Variants in NKAIN2 observed in about 807,000 individuals in gnomAD.
NKAIN2 encodes the protein sodium/potassium transporting ATPase interacting 2.
A neutral mutation model predicts 32.6 loss-of-function variants in NKAIN2; 14 were observed. That is an observed-to-expected ratio of 0.43 (90% confidence interval 0.28 to 0.67). The LOEUF (loss-of-function observed/expected upper bound fraction) is 0.67, where lower values mean the gene tolerates loss of function less well. NKAIN2 is among the 30% of genes least tolerant of loss of function. NKAIN2 has a pLI of 0.17. For missense variants in NKAIN2, 198 were observed against 258.3 expected (o/e 0.77, Z 1.60); for synonymous variants, 80 against 87.2 (o/e 0.92, Z 0.46).
chr6:123,939,975 TA>T (rs1202715909), intron 1 of NKAIN2, among the ~76,000 whole-genome samples: 4 of 152,000 alleles, frequency 2.6e-5, no homozygotes, highest in Non-Finnish European at 5.9e-5. Flanking sequence ...AACCCAGTGA[TA>T]GGCAGTTTCT....
At chr6:124,551,886 A>C (rs1479605160) in intron 3 of NKAIN2, among the ~76,000 whole-genome samples, 2 of 152,188 alleles carry the variant, frequency 1.3e-5, no homozygotes, top group Non-Finnish European at 2.9e-5. Flanking sequence ...GTCACCTTTG[A>C]TGTGTCAGCT....
chr6:123,997,500 C>T (rs1364430266), intron 1 of NKAIN2, among the ~76,000 whole-genome samples: 2 of 151,990 alleles, frequency 1.3e-5, no homozygotes, highest in Non-Finnish European at 2.9e-5. Context: ...ACTGAGACAG[C>T]CAACAGTCAT....
chr6:124,754,349 A>G (rs1021887766), intron 4 of NKAIN2, among the ~76,000 whole-genome samples: 1 of 152,090 alleles, frequency 6.6e-6, no homozygotes, highest in Non-Finnish European at 1.5e-5. Context: ...TTAATTAATT[A>G]AATTAGACTT....
intron 3 of NKAIN2, among the ~76,000 whole-genome samples, chr6:124,586,726 C>A (rs181210724): frequency 1.3e-5 from 2 of 152,090 alleles, no homozygotes; most frequent in Admixed American, 1.3e-4. Flanking sequence ...TATGGCCACA[C>A]AAAAGTCTGT....
chr6:124,081,860 A>G (rs1032744001), intron 1 of NKAIN2, among the ~76,000 whole-genome samples: 3 of 151,902 alleles, frequency 2.0e-5, no homozygotes, highest in East Asian at 3.9e-4. Context: ...TGGATCACAT[A>G]CAATTACATA....
At chr6:123,996,654 A>ATT (rs1009963657) in intron 1 of NKAIN2, among the ~76,000 whole-genome samples, 18 of 152,214 alleles carry the variant, frequency 1.2e-4, no homozygotes, top group Admixed American at 8.5e-4. Context: ...CCTTATTTAT[A>ATT]TTTTGGACAT....
At chr6:124,632,010 T>A (rs1451152658) in intron 3 of NKAIN2, among the ~76,000 whole-genome samples, 1 of 152,174 alleles carries the variant, frequency 6.6e-6, no homozygotes, top group East Asian at 1.9e-4. Flanking sequence ...CTTTATTATT[T>A]CTTCATTGAG....
At chr6:124,031,650 C>T (rs1211091940) in intron 1 of NKAIN2, among the ~76,000 whole-genome samples, 1 of 152,084 alleles carries the variant, frequency 6.6e-6, no homozygotes, top group Non-Finnish European at 1.5e-5. Flanking sequence ...TTTATTCCTG[C>T]CTTCATTTTG....
intron 1 of NKAIN2, among the ~76,000 whole-genome samples, chr6:124,013,348 G>A (rs566462778): frequency 2.0e-5 from 3 of 152,240 alleles, no homozygotes; most frequent in South Asian, 2.1e-4. Flanking sequence ...GTGTGTTTTT[G>A]TTGTACTATT....
At chr6:124,546,172 A>G (rs957248454) in intron 3 of NKAIN2, among the ~76,000 whole-genome samples, 4 of 152,172 alleles carry the variant, frequency 2.6e-5, no homozygotes, top group African/African-American at 9.7e-5. Flanking sequence ...TGTGCCAAGA[A>G]TCTAGAACTT....
intron 1 of NKAIN2, among the ~76,000 whole-genome samples, chr6:123,975,107 C>T (rs1778499090): frequency 6.6e-6 from 1 of 152,098 alleles, no homozygotes; most frequent in Non-Finnish European, 1.5e-5. Context: ...TTGCCAACAA[C>T]CCATTTTATG....
intron 3 of NKAIN2, among the ~76,000 whole-genome samples, chr6:124,548,846 T>G (rs779119686): frequency 9.2e-5 from 14 of 152,112 alleles, no homozygotes; most frequent in Non-Finnish European, 1.5e-4. Context: ...TTACTGACTT[T>G]GTAAAGTACA....
At chr6:124,705,513 A>G (rs1461059830) in intron 4 of NKAIN2, among the ~76,000 whole-genome samples, 2 of 152,074 alleles carry the variant, frequency 1.3e-5, no homozygotes, top group South Asian at 2.1e-4. Flanking sequence ...AGTGCCTGCC[A>G]TGGGTACAAG....
At chr6:123,982,266 T>G (rs1460434164) in intron 1 of NKAIN2, among the ~76,000 whole-genome samples, 1 of 152,202 alleles carries the variant, frequency 6.6e-6, no homozygotes, top group Non-Finnish European at 1.5e-5. Flanking sequence ...ATTGTATTTA[T>G]TGCTTTCAAA....
At chr6:124,661,629 A>T (rs535992148) in intron 4 of NKAIN2, among the ~76,000 whole-genome samples, 26 of 152,332 alleles carry the variant, frequency 1.7e-4, no homozygotes, top group African/African-American at 6.3e-4. Flanking sequence ...CACAGCTTCC[A>T]GCCGTGCAGA....
chr6:124,200,369 C>A (rs188170240), intron 1 of NKAIN2, among the ~76,000 whole-genome samples: 2 of 152,168 alleles, frequency 1.3e-5, no homozygotes, highest in East Asian at 3.9e-4. Flanking sequence ...AGGAGTAAAG[C>A]GCAGGAAATG....
chr6:124,183,285 A>G (rs1243410728), intron 1 of NKAIN2, among the ~76,000 whole-genome samples: 2 of 152,126 alleles, frequency 1.3e-5, no homozygotes, highest in Non-Finnish European at 2.9e-5. Context: ...TTACACATGT[A>G]TATAAATAAT....
chr6:124,469,689 A>T (rs1265496896), intron 3 of NKAIN2, among the ~76,000 whole-genome samples: 2 of 152,204 alleles, frequency 1.3e-5, no homozygotes, highest in African/African-American at 2.4e-5. Context: ...GACTCATAGG[A>T]TTCCTCTTAT....
chr6:124,030,753 T>C (rs528929578), intron 1 of NKAIN2, among the ~76,000 whole-genome samples: 2 of 152,206 alleles, frequency 1.3e-5, no homozygotes, highest in Non-Finnish European at 2.9e-5. Flanking sequence ...TTCTGTATCC[T>C]CTAAGCCTAA....
Sources: gnomAD v4.1 joint callset for allele counts (sites outside exome capture counted in the v4.1 genomes callset) on GRCh38, gnomAD v4.1.1 for gene constraint, MANE v1.5 for transcripts, NCBI Gene and HGNC (gene_info 2026-07-23, HGNC 2026-07-21) for gene names.